Variants in RNF144A observed in about 807,000 individuals in gnomAD.
RNF144A encodes ring finger protein 144A.
RNF144A carries 11 observed loss-of-function variants against 38.7 expected under a neutral mutation model. The ratio of observed to expected loss-of-function variants is 0.28; its 90% CI spans 0.18 to 0.47. RNF144A has a LOEUF of 0.47. RNF144A is among the 20% of genes least tolerant of loss of function. The probability of loss-of-function intolerance (pLI) is 0.99; values close to 1 mark genes in which losing one functional copy is unlikely to be tolerated. For synonymous variants in RNF144A, 149 were observed against 143.9 expected, an observed-to-expected ratio of 1.04 and a Z score of -0.25; for missense variants, 316 against 377.2, an observed-to-expected ratio of 0.84 and a Z score of 1.34.
intron 6 of RNF144A, among the ~76,000 whole-genome samples, chr2:7,051,976 G>A (rs1460966866): frequency 6.6e-6 from 1 of 152,052 alleles, no homozygotes; most frequent in Non-Finnish European, 1.5e-5. Context: ...CCTCACCCAG[G>A]TATGCCCAAT....
At position 7,020,574 on chromosome 2, in the gene RNF144A, T is replaced by G; in HGVS notation, c.403T>G (p.Cys135Gly). ...GCTGCAGACCCCCCAGCCAGTGCAGTGCAAAGCCTGCCGTATGGAATTCTG... is the reference window on the plus strand; with the variant it reads ...GCTGCAGACCCCCCAGCCAGTGCAGGGCAAAGCCTGCCGTATGGAATTCTG... Reference protein sequence around the residue: ...VGLQTPQPVQCKACRMEFCST... With the variant: ...VGLQTPQPVQGKACRMEFCST... The change falls in exon 6 of 9, where the codon TGC (cysteine) becomes GGC (glycine). Residue 135 changes from cysteine to glycine, a missense_variant. Coordinates refer to ENST00000320892, the MANE Select transcript of RNF144A (RefSeq NM_014746.6). 3.7e-6 allele frequency: 6 copies of G among 1,613,002 alleles called. No individual in the cohort carries two copies. The highest frequency in any genetic ancestry group is 5.1e-6 in the Non-Finnish European group (6 of 1,180,006).
chr2:7,011,908 T>G (rs1008623587), intron 3 of RNF144A, among the ~76,000 whole-genome samples: 2 of 152,198 alleles, frequency 1.3e-5, no homozygotes, highest in African/African-American at 4.8e-5. Flanking sequence ...CTTTTGCAGA[T>G]TGTACAGATA....
chr2:6,944,574 T>G lies in RNF144A; in HGVS notation c.-12+3427T>G, dbSNP rs936354025. 2.0e-5 allele frequency among the ~76,000 whole-genome samples: 3 copies of G among 152,184 alleles called. No homozygotes were observed. Among genetic ancestry groups the G allele is most frequent in the African/African-American group, 7.2e-5 (3 of 41,450 alleles). ...CATTCCTTGGAAGATAAGTGCATTCTAATTTTATGTTTATTTTTTAATCTT... is the reference window on the plus strand; with the variant it reads ...CATTCCTTGGAAGATAAGTGCATTCGAATTTTATGTTTATTTTTTAATCTT... On this transcript the variant is annotated intron_variant, in intron 2 of 8. Transcript: ENST00000320892. This position sits in a 1 kb window ranked among gnomAD's most constrained non-coding sequence, Gnocchi z 4.7.
chr2:7,071,818 AG>A (rs1674494520), downstream of RNF144A, among the ~76,000 whole-genome samples: 1 of 152,222 alleles, frequency 6.6e-6, no homozygotes, highest in Non-Finnish European at 1.5e-5. Context: ...ATTTACCACC[AG>A]TTTGCTTTAA....
At chr2:7,068,153 G>A in intron 6 of RNF144A, 1 of 825,754 alleles carries the variant, frequency 1.2e-6, no homozygotes, top group Non-Finnish European at 1.8e-6. Context: ...ATTTACACAA[G>A]TATCATTGAG....
At chr2:6,963,025 A>G (rs1667440154) in intron 2 of RNF144A, among the ~76,000 whole-genome samples, 1 of 152,194 alleles carries the variant, frequency 6.6e-6, no homozygotes, top group Admixed American at 6.5e-5. Flanking sequence ...CTTGGACTAG[A>G]ATTAGGCTAA....
chr2:7,028,635 A>T (rs1672079397), intron 7 of RNF144A, among the ~76,000 whole-genome samples: 2 of 152,196 alleles, frequency 1.3e-5, no homozygotes, highest in African/African-American at 4.8e-5. Flanking sequence ...GAAAATGGAG[A>T]CATACAAATG....
Position 6,958,133 on chromosome 2 carries a change from GC to G in RNF144A, c.-12+16987del, listed in dbSNP as rs1432464982. On this transcript the variant is annotated intron_variant, in intron 2 of 8. Coordinates refer to ENST00000320892, the MANE Select transcript of RNF144A (RefSeq NM_014746.6). The surrounding 1 kb of genome is among the most constrained non-coding windows in gnomAD (Gnocchi z 4.5). ...CAGTAGTCTGCAGCCAGGCTGTCAT[GC>G]GCAGCCACCATGGGGCACCGGGCGT... Among the ~76,000 whole-genome samples the G allele has an allele frequency of 6.6e-6, 1 of 152,274 alleles. No homozygotes were observed. The highest frequency in any genetic ancestry group is 1.5e-5 in the Non-Finnish European group (1 of 68,056).
At chr2:6,978,115 C>G (rs761883546) in intron 2 of RNF144A, among the ~76,000 whole-genome samples, 26 of 152,048 alleles carry the variant, frequency 1.7e-4, no homozygotes, top group Non-Finnish European at 3.4e-4. Flanking sequence ...TGGGCACCCT[C>G]GTGAGGTAAA....
rs972850466 is a variant in RNF144A, at chr2:6,958,018, T to C, written c.-12+16871T>C. Among the ~76,000 whole-genome samples, 1 of 151,958 alleles carries C rather than the reference T, an allele frequency of 6.6e-6. No homozygotes were observed. Among genetic ancestry groups the C allele is most frequent in the African/African-American group, 2.4e-5 (1 of 41,374 alleles). ...CCAGTTAGGCAACGACAGAATGGGGTGGGGGAGTCGGGATGGAGCTCCAGG... is the reference window on the plus strand; with the variant it reads ...CCAGTTAGGCAACGACAGAATGGGGCGGGGGAGTCGGGATGGAGCTCCAGG... On this transcript the variant is annotated intron_variant, in intron 2 of 8. Transcript: ENST00000320892. The surrounding 1 kb of genome is among the most constrained non-coding windows in gnomAD (Gnocchi z 4.5).
chr2:6,978,542 A>G (rs1458987583), intron 2 of RNF144A: 1 of 152,416 alleles, frequency 6.6e-6, no homozygotes, highest in African/African-American at 2.4e-5. Context: ...CCCAGCAGGA[A>G]CGTTCCCCGC....
At chr2:6,965,223 G>A (rs1667584915) in intron 2 of RNF144A, among the ~76,000 whole-genome samples, 1 of 152,164 alleles carries the variant, frequency 6.6e-6, no homozygotes, top group Non-Finnish European at 1.5e-5. Flanking sequence ...GCACTGGGAC[G>A]AGGCAAGGCT....
intron 3 of RNF144A, among the ~76,000 whole-genome samples, chr2:7,001,314 A>G (rs1469724957): frequency 6.6e-6 from 1 of 151,802 alleles, no homozygotes; most frequent in Non-Finnish European, 1.5e-5. Flanking sequence ...AAATAAATAA[A>G]CAAACAAAAG....
At chr2:7,021,600 G>A (rs1198622520) in intron 6 of RNF144A, among the ~76,000 whole-genome samples, 1 of 152,220 alleles carries the variant, frequency 6.6e-6, no homozygotes, top group Admixed American at 6.5e-5. Context: ...CCTTTGTCAA[G>A]CTTCATGGTT....
downstream of RNF144A, chr2:7,044,301 TG>T: frequency 1.5e-6 from 1 of 654,310 alleles, no homozygotes; most frequent in Non-Finnish European, 1.9e-6. Flanking sequence ...ATGTGGGAAC[TG>T]GGGGTGGAGG....
chr2:6,977,501 G>A (rs902490631), intron 2 of RNF144A, among the ~76,000 whole-genome samples: 2 of 152,172 alleles, frequency 1.3e-5, no homozygotes, highest in African/African-American at 4.8e-5. Context: ...CATTACTAGC[G>A]GTTATTGAGT....
rs918157534 is a variant in RNF144A, at chr2:6,943,794, G to A, written c.-12+2647G>A. Among the ~76,000 whole-genome samples the A allele has an allele frequency of 6.6e-6, 1 of 152,172 alleles. No homozygotes were observed. The highest frequency in any genetic ancestry group is 2.4e-5 in the African/African-American group (1 of 41,444). On this transcript the variant is annotated intron_variant, in intron 2 of 8. Coordinates refer to ENST00000320892, the MANE Select transcript of RNF144A (RefSeq NM_014746.6). This position sits in a 1 kb window ranked among gnomAD's most constrained non-coding sequence, Gnocchi z 4.3. ...CTTTCTTTGTGAAATGGGAGTCAAA[G>A]CCAGCATCTGAGCATGCTACATGGA...
intron 6 of RNF144A, among the ~76,000 whole-genome samples, chr2:7,057,828 A>T (rs1385002283): frequency 6.6e-6 from 1 of 152,244 alleles, no homozygotes; most frequent in Non-Finnish European, 1.5e-5. Flanking sequence ...TTTCTCATAG[A>T]AATCTGCCCA....
intron 2 of RNF144A, among the ~76,000 whole-genome samples, chr2:6,986,502 A>G (rs929425536): frequency 6.6e-6 from 1 of 152,158 alleles, no homozygotes; most frequent in African/African-American, 2.4e-5. Flanking sequence ...ATCAGCAAGT[A>G]CTGACCTGAA....
Sources: allele counts gnomAD v4.1 joint callset (sites outside exome capture counted in the v4.1 genomes callset), GRCh38; gene constraint gnomAD v4.1.1; non-coding constraint Gnocchi (gnomAD v3.1); transcripts MANE v1.5; gene names NCBI Gene and HGNC (gene_info 2026-07-23, HGNC 2026-07-21).